The following SRRM4 variants were observed in gnomAD, a reference collection of about 807,000 sequenced individuals.
The protein encoded by SRRM4 is serine/arginine repetitive matrix 4.
SRRM4 carries 33 observed loss-of-function variants against 68.9 expected under a neutral mutation model. That is an observed-to-expected ratio of 0.48 (90% CI 0.36 to 0.64). The LOEUF is 0.64. SRRM4 is among the 30% of genes least tolerant of loss of function. The pLI is 0.00. For synonymous variants in SRRM4, 318 were observed against 318.8 expected (o/e 1.00, Z 0.03); for missense variants, 817 against 827.1 (o/e 0.99, Z 0.15).
chr12:119,069,960 G>A (rs1267481459), intron 1 of SRRM4, among the ~76,000 whole-genome samples: 1 of 152,188 alleles, frequency 6.6e-6, no homozygotes, highest in African/African-American at 2.4e-5. Flanking sequence ...GAGTGAGCCA[G>A]GTGGAGACTA....
intron 1 of SRRM4, among the ~76,000 whole-genome samples, chr12:119,089,229 C>A (rs188499742): frequency 6.6e-6 from 1 of 152,108 alleles, no homozygotes; most frequent in African/African-American, 2.4e-5. Context: ...ACCCACCGCA[C>A]CACCCCAAGT....
chr12:119,156,169 T>C (rs1565921249), intron 12 of SRRM4, among the ~76,000 whole-genome samples: 1 of 152,184 alleles, frequency 6.6e-6, no homozygotes, highest in Non-Finnish European at 1.5e-5. Context: ...AAATAGATGG[T>C]TCTAGTAAAA....
chr12:119,021,970 G>T (rs1315935793), intron 1 of SRRM4, among the ~76,000 whole-genome samples: 2 of 152,004 alleles, frequency 1.3e-5, no homozygotes, highest in Admixed American at 1.3e-4. Context: ...GGGTCAAATG[G>T]TATTTCTTGT....
At chr12:119,071,213 A>G (rs1953876041) in intron 1 of SRRM4, among the ~76,000 whole-genome samples, 1 of 152,228 alleles carries the variant, frequency 6.6e-6, no homozygotes, top group South Asian at 2.1e-4. Flanking sequence ...TGAATGCCTG[A>G]GAGATAAATA....
Position 119,156,993 on chromosome 12 carries a change from T to G in SRRM4, c.*195T>G. The G allele has an allele frequency of 1.6e-6, 1 of 627,926 alleles. No homozygotes were observed. Among genetic ancestry groups the G allele is most frequent in the Non-Finnish European group, 2.7e-6 (1 of 376,600 alleles). The allele number at this position is 627,926 out of a possible 1,614,324, so 38.9% of individuals were successfully genotyped here. On this transcript the variant is annotated 3_prime_UTR_variant, in exon 13 of 13. Coordinates refer to ENST00000267260, the MANE Select transcript of SRRM4 (RefSeq NM_194286.4). Reference sequence around the variant, plus strand: ...AGCCTGCTAGGAGCCTCTACCAGCATCATCCTGGGGCCCAGCTCAGGCCTG... The same window carrying G: ...AGCCTGCTAGGAGCCTCTACCAGCAGCATCCTGGGGCCCAGCTCAGGCCTG...
intron 4 of SRRM4, among the ~76,000 whole-genome samples, chr12:119,118,883 A>G (rs1053198159): frequency 1.3e-5 from 2 of 152,050 alleles, no homozygotes; most frequent in Admixed American, 1.3e-4. Context: ...GGGGGTTCAT[A>G]TGAGGGAGAT....
At chr12:118,984,871 C>G (rs1296370621) in intron 1 of SRRM4, among the ~76,000 whole-genome samples, 1 of 152,196 alleles carries the variant, frequency 6.6e-6, no homozygotes, top group African/African-American at 2.4e-5. Context: ...AACCTGGATT[C>G]CTGTCCTGGT....
chr12:119,153,687 C>T, intron 11 of SRRM4, 38 bp downstream of exon 11: 2 of 1,449,172 alleles, frequency 1.4e-6, no homozygotes, highest in Non-Finnish European at 1.9e-6. Flanking sequence ...CCGTCCTAGG[C>T]CCCACCCCTT....
At chr12:118,982,338 G>A (rs1162411544) in intron 1 of SRRM4, among the ~76,000 whole-genome samples, 2 of 152,172 alleles carry the variant, frequency 1.3e-5, no homozygotes, top group African/African-American at 4.8e-5. Flanking sequence ...GAGTCCAGAG[G>A]GCAGGTGGGC....
chr12:119,014,572 G>C (rs1361334873), intron 1 of SRRM4, among the ~76,000 whole-genome samples: 1 of 152,188 alleles, frequency 6.6e-6, no homozygotes, highest in African/African-American at 2.4e-5. Flanking sequence ...GCTGCAGTTG[G>C]CAACCTGATC....
At chr12:119,070,622 G>A (rs181992840) in intron 1 of SRRM4, among the ~76,000 whole-genome samples, 2 of 152,108 alleles carry the variant, frequency 1.3e-5, no homozygotes, top group East Asian at 1.9e-4. Flanking sequence ...CAAGAAGGTG[G>A]CATGATATGT....
chr12:118,981,716 C>G lies in SRRM4; in HGVS notation c.-167C>G. 5 of 718,462 alleles carry G rather than the reference C, an allele frequency of 7.0e-6. No individual in the cohort carries two copies. Among genetic ancestry groups the G allele is most frequent in the Non-Finnish European group, 1.1e-5 (5 of 449,754 alleles). The allele number at this position is 718,462 out of a possible 1,614,324, so 44.5% of individuals were successfully genotyped here. On this transcript the variant is annotated 5_prime_UTR_variant, in exon 1 of 13. Transcript: ENST00000267260. ...CGAGCCTCCTTTCTCTGCTGCCTGCCCGGGCTGGGGCGTCCCATCCCCCGC... is the reference window on the plus strand; with the variant it reads ...CGAGCCTCCTTTCTCTGCTGCCTGCGCGGGCTGGGGCGTCCCATCCCCCGC...
rs1238087454 is a variant in SRRM4 at position 119,154,936 on chromosome 12, C to G, written c.1532+553C>G. ...CTAGAGGGAGCCACGGTGGATAAGC[C>G]GGAGAGCACTGGATGTGGATTGGAA... On this transcript the variant is annotated intron_variant, in intron 12 of 12. Coordinates refer to ENST00000267260, the MANE Select transcript of SRRM4 (RefSeq NM_194286.4). The surrounding 1 kb of genome is among the most constrained non-coding windows in gnomAD (Gnocchi z 4.7). Among the ~76,000 whole-genome samples, 1 of 152,124 alleles carries G rather than the reference C, an allele frequency of 6.6e-6. No individual in the cohort carries two copies. The highest frequency in any genetic ancestry group is 6.5e-5 in the Admixed American group (1 of 15,274).
intron 6 of SRRM4, among the ~76,000 whole-genome samples, chr12:119,122,615 T>G (rs146190339): frequency 3.7e-4 from 57 of 152,346 alleles, no homozygotes; most frequent in African/African-American, 1.4e-3. Context: ...GGGAACATTG[T>G]GTGGTCTATA....
At chr12:119,055,581 A>C (rs929828788) in intron 1 of SRRM4, among the ~76,000 whole-genome samples, 1 of 152,160 alleles carries the variant, frequency 6.6e-6, no homozygotes, top group Non-Finnish European at 1.5e-5. Context: ...AGTTTCAAAG[A>C]GGGCATGCTA....
intron 1 of SRRM4, among the ~76,000 whole-genome samples, chr12:119,024,610 T>C (rs1055174736): frequency 6.6e-6 from 1 of 152,236 alleles, no homozygotes; most frequent in African/African-American, 2.4e-5. Flanking sequence ...TTGTCAGCTT[T>C]GATCTTTTAA....
intron 1 of SRRM4, among the ~76,000 whole-genome samples, chr12:119,013,971 C>A (rs1473483623): frequency 6.6e-6 from 1 of 151,992 alleles, no homozygotes; most frequent in Non-Finnish European, 1.5e-5. Context: ...TTTTATTTGA[C>A]CATTACTTGA....
In SRRM4 at chr12:119,042,169, G is replaced by A. The variant is rs999498339; in HGVS notation, c.132-60067G>A. On this transcript the variant is annotated intron_variant, in intron 1 of 12. Coordinates refer to ENST00000267260, the MANE Select transcript of SRRM4 (RefSeq NM_194286.4). ...AGAACTCAAGTCTCCTGACTCCCAGGTCAGTGGTCTTTTCATCTGACTAAC... is the reference window on the plus strand; with the variant it reads ...AGAACTCAAGTCTCCTGACTCCCAGATCAGTGGTCTTTTCATCTGACTAAC... Among the ~76,000 whole-genome samples, 3 of 152,050 alleles carry A rather than the reference G, an allele frequency of 2.0e-5. No individual in the cohort carries two copies. The East Asian group carries it at 5.8e-4, about 29-fold the overall frequency.
chr12:119,046,676 T>C (rs1953709654), intron 1 of SRRM4, among the ~76,000 whole-genome samples: 1 of 152,148 alleles, frequency 6.6e-6, no homozygotes, highest in Non-Finnish European at 1.5e-5. Context: ...TGTTTGTATG[T>C]TTGCTTCTAA....
Sources: gnomAD v4.1 joint callset for allele counts (sites outside exome capture counted in the v4.1 genomes callset) on GRCh38, gnomAD v4.1.1 for gene constraint, Gnocchi (gnomAD v3.1) non-coding constraint, MANE v1.5 for transcripts, NCBI Gene and HGNC (gene_info 2026-07-23, HGNC 2026-07-21) for gene names.